The following NOS1AP variants were observed in gnomAD, a reference collection of about 807,000 sequenced individuals.
NOS1AP encodes the protein nitric oxide synthase 1 adaptor protein.
A neutral mutation model predicts 56.2 loss-of-function variants in NOS1AP; 21 were observed. The ratio of observed to expected loss-of-function variants is 0.37; its 90% CI spans 0.26 to 0.54. The LOEUF (loss-of-function observed/expected upper bound fraction) is 0.54, where lower values mean the gene tolerates loss of function less well. Ranked by LOEUF, NOS1AP falls within the 20% of genes least tolerant of loss-of-function variation. The pLI, the probability that NOS1AP is intolerant of heterozygous loss-of-function variation, is 0.84. For missense variants in NOS1AP, 522 were observed against 657.8 expected, an observed-to-expected ratio of 0.79 and a Z score of 2.26; for synonymous variants, 270 against 274.6, an observed-to-expected ratio of 0.98 and a Z score of 0.17.
intron 5 of NOS1AP, among the ~76,000 whole-genome samples, chr1:162,337,875 C>T (rs1206139642): frequency 6.6e-6 from 1 of 152,196 alleles, no homozygotes; most frequent in Non-Finnish European, 1.5e-5. Flanking sequence ...TGGACAAAAA[C>T]CTAACCCATC....
At position 162,343,841 on chromosome 1, in the gene NOS1AP, G is replaced by A; in HGVS notation, c.460G>A (p.Ala154Thr). The A allele has an allele frequency of 6.2e-7, 1 of 1,614,172 alleles. No homozygotes were observed. The highest frequency in any genetic ancestry group is 1.1e-5 in the South Asian group (1 of 91,072). The change falls in exon 6 of 10, where the codon GCT becomes ACT. Residue 154 changes from alanine to threonine, a missense_variant. By Grantham distance (58) the Ala-to-Thr change is moderately conservative. Transcript: ENST00000361897. Reference protein sequence around the residue: ...NVFKSKKKSQAMRIVRTVGQA... With the variant: ...NVFKSKKKSQTMRIVRTVGQA... Reference sequence around the variant, plus strand: ...TCTCCTTTCTCCTTCCCAGAGCCAAGCTATGAGAATCGTTCGGACGGTGGG... The same window carrying A: ...TCTCCTTTCTCCTTCCCAGAGCCAAACTATGAGAATCGTTCGGACGGTGGG...
intron 2 of NOS1AP, among the ~76,000 whole-genome samples, chr1:162,284,150 T>C (rs1167115410): frequency 3.3e-5 from 5 of 152,216 alleles, no homozygotes; most frequent in Non-Finnish European, 1.5e-5. Flanking sequence ...CCATTATCTC[T>C]CCTCTGTCCA....
At position 162,367,620 on chromosome 1, in the gene NOS1AP, T is replaced by G; in HGVS notation, c.*153T>G. The G allele has an allele frequency of 1.2e-6, 1 of 864,076 alleles. No homozygotes were observed. Among genetic ancestry groups the G allele is most frequent in the Non-Finnish European group, 1.7e-6 (1 of 577,442 alleles). 53.5% of individuals were successfully genotyped at this position (864,076 alleles called of 1,614,324 possible). Reference sequence around the variant, plus strand: ...TGAGGTTTCAGGAAAGTATTGAGATTCTGCTTTGGAGGGTAAAGTGGGGAA... The same window carrying G: ...TGAGGTTTCAGGAAAGTATTGAGATGCTGCTTTGGAGGGTAAAGTGGGGAA... On this transcript the variant is annotated 3_prime_UTR_variant, in exon 10 of 10. Coordinates refer to ENST00000361897, the MANE Select transcript of NOS1AP (RefSeq NM_014697.3). The surrounding 1 kb of genome is among the most constrained non-coding windows in gnomAD (Gnocchi z 6.5).
intron 2 of NOS1AP, among the ~76,000 whole-genome samples, chr1:162,190,258 T>C (rs948603338): frequency 6.6e-6 from 1 of 152,220 alleles, no homozygotes; most frequent in Non-Finnish European, 1.5e-5. Context: ...CTCCGCCATC[T>C]CTCTAGGCTA....
intron 1 of NOS1AP, among the ~76,000 whole-genome samples, chr1:162,094,560 A>T (rs1231880177): frequency 6.6e-6 from 1 of 152,176 alleles, no homozygotes; most frequent in East Asian, 1.9e-4. Flanking sequence ...ACATCTGCTG[A>T]GTGTCTGAGC....
chr1:162,364,310 T>C (rs905720), intron 8 of NOS1AP: 697,633 of 985,162 alleles, frequency 0.71, 249,549 homozygotes, highest in Non-Finnish European at 0.73. Context: ...ATAAGCTACA[T>C]TGGTCCAGGC....
intron 2 of NOS1AP, among the ~76,000 whole-genome samples, chr1:162,167,180 C>T (rs1248682104): frequency 1.3e-5 from 2 of 152,226 alleles, no homozygotes; most frequent in African/African-American, 2.4e-5. Flanking sequence ...TTCTTCACAA[C>T]GAGCTCACCC....
intron 1 of NOS1AP, among the ~76,000 whole-genome samples, chr1:162,142,774 G>A (rs115533195): frequency 0.01 from 1,557 of 152,252 alleles, 26 homozygotes; most frequent in African/African-American, 0.036. Flanking sequence ...TCCTTGCAGG[G>A]TCGTTGCTGA....
chr1:162,367,017 C>T lies in NOS1AP; in HGVS notation c.1106-35C>T, dbSNP rs759381151. On this transcript the variant is annotated intron_variant, in intron 9 of 9. Coordinates refer to ENST00000361897, the MANE Select transcript of NOS1AP (RefSeq NM_014697.3). The surrounding 1 kb of genome is among the most constrained non-coding windows in gnomAD (Gnocchi z 6.5). ...ATCCCAAATCAACAACCTTGCCTAACGCTGCCCCTCTGCTACCTCTTGTCT... is the reference window on the plus strand; with the variant it reads ...ATCCCAAATCAACAACCTTGCCTAATGCTGCCCCTCTGCTACCTCTTGTCT... 8.1e-6 allele frequency: 13 copies of T among 1,613,026 alleles called. No individual in the cohort carries two copies. The highest frequency in any genetic ancestry group is 3.3e-5 in the Admixed American group (2 of 60,030).
intron 1 of NOS1AP, among the ~76,000 whole-genome samples, chr1:162,121,881 A>G (rs1648256572): frequency 6.6e-6 from 1 of 152,214 alleles, no homozygotes; most frequent in South Asian, 2.1e-4. Context: ...GCAATAATTG[A>G]ATGTTCGCAG....
chr1:162,212,220 G>A (rs1652375872), intron 2 of NOS1AP, among the ~76,000 whole-genome samples: 1 of 152,214 alleles, frequency 6.6e-6, no homozygotes, highest in Non-Finnish European at 1.5e-5. Context: ...CTGGGAAGGT[G>A]TTGTTTGACA....
intron 2 of NOS1AP, among the ~76,000 whole-genome samples, chr1:162,267,273 TCA>T (rs1654453260): frequency 6.6e-6 from 1 of 152,178 alleles, no homozygotes; most frequent in South Asian, 2.1e-4. Context: ...AGTTTTGGCA[TCA>T]CTAAAATTGG....
chr1:162,266,867 A>C (rs1009532951), intron 2 of NOS1AP, among the ~76,000 whole-genome samples: 3 of 152,180 alleles, frequency 2.0e-5, no homozygotes, highest in Admixed American at 1.3e-4. Context: ...ATGACTTCTC[A>C]TCTGTGGTTG....
At chr1:162,324,986 G>A (rs1656539183) in intron 4 of NOS1AP, among the ~76,000 whole-genome samples, 1 of 152,196 alleles carries the variant, frequency 6.6e-6, no homozygotes, top group South Asian at 2.1e-4. Flanking sequence ...GGTGTCTGTG[G>A]AAGTCAGGCT....
rs139216916 is a variant in NOS1AP at position 162,188,820 on chromosome 1, G to A, written c.177+34344G>A. Among the ~76,000 whole-genome samples the A allele has an allele frequency of 0.034, 5,243 of 152,300 alleles. 132 individuals are homozygous for A. The highest frequency in any genetic ancestry group is 0.049 in the Non-Finnish European group (3,350 of 68,010). On this transcript the variant is annotated intron_variant, in intron 2 of 9. Coordinates refer to ENST00000361897, the MANE Select transcript of NOS1AP (RefSeq NM_014697.3). The surrounding 1 kb of genome is among the most constrained non-coding windows in gnomAD (Gnocchi z 4.0). Reference sequence around the variant, plus strand: ...TGTAATCCCAGCACTTTCGGAGGCCGAGGCGGGCGGATCACGAGATCAGGA... The same window carrying A: ...TGTAATCCCAGCACTTTCGGAGGCCAAGGCGGGCGGATCACGAGATCAGGA...
chr1:162,120,580 C>T (rs974078073), intron 1 of NOS1AP, among the ~76,000 whole-genome samples: 6 of 152,132 alleles, frequency 3.9e-5, no homozygotes, highest in Non-Finnish European at 8.8e-5. Flanking sequence ...TCTTATGTGG[C>T]GACAGGCAAG....
At chr1:162,133,457 C>T (rs190152631) in intron 1 of NOS1AP, among the ~76,000 whole-genome samples, 1 of 152,346 alleles carries the variant, frequency 6.6e-6, no homozygotes, top group East Asian at 1.9e-4. Context: ...TGAATGAAAT[C>T]ATACTCTCTT....
intron 2 of NOS1AP, among the ~76,000 whole-genome samples, chr1:162,247,688 TCC>T (rs1159262525): frequency 6.6e-6 from 1 of 150,494 alleles, no homozygotes; most frequent in African/African-American, 2.5e-5. Flanking sequence ...ATAATTTTTG[TCC>T]CGTCCCCCCC....
intron 8 of NOS1AP, among the ~76,000 whole-genome samples, chr1:162,358,434 C>G (rs767963982): frequency 6.6e-6 from 1 of 152,116 alleles, no homozygotes; most frequent in African/African-American, 2.4e-5. Context: ...CTCAAGTTAT[C>G]GGAGTCTTTT....
Sources: gnomAD v4.1 joint callset for allele counts (sites outside exome capture counted in the v4.1 genomes callset) on GRCh38, gnomAD v4.1.1 for gene constraint, Gnocchi (gnomAD v3.1) non-coding constraint, MANE v1.5 for transcripts, NCBI Gene and HGNC (gene_info 2026-07-23, HGNC 2026-07-21) for gene names.